CYB5R4: variants seen among roughly 807,000 people sequenced by gnomAD.
CYB5R4 encodes the protein cytochrome b5 reductase 4, also known as N-terminal cytochrome b5 and cytochrome b5 oxidoreductase domain-containing protein.
In CYB5R4, 55 loss-of-function variants were observed where a neutral mutation model predicts 70.2. That is an observed-to-expected ratio of 0.78 (90% CI 0.63 to 0.98). The LOEUF is 0.98. CYB5R4 is among the 50% of genes least tolerant of loss of function. The probability of loss-of-function intolerance (pLI) is 0.00; values close to 1 mark genes in which losing one functional copy is unlikely to be tolerated. For synonymous variants in CYB5R4, 197 were observed against 199.5 expected (o/e 0.99, Z 0.11); for missense variants, 562 against 612.6 (o/e 0.92, Z 0.87).
At chr6:83,920,987 G>A (rs932504637) in intron 7 of CYB5R4, 95 bp from the exon 8 acceptor site, 102 of 887,990 alleles carry the variant, frequency 1.1e-4, no homozygotes, top group East Asian at 6.4e-4. Context: ...AAGAAGCACC[G>A]TATGAAGTAC....
intron 10 of CYB5R4, among the ~76,000 whole-genome samples, chr6:83,927,846 T>C (rs2099467567): frequency 6.6e-6 from 1 of 152,132 alleles, no homozygotes. Context: ...GGCCTGCTGG[T>C]TCCAATCCTT....
chr6:83,859,760 G>C lies in CYB5R4; in HGVS notation c.-23G>C. ...CCCGTCTGGCGGCGATCCCCGGGCA[G>C]GGCCCGGGGCCGGGGTTTGAAGATG... On this transcript the variant is annotated 5_prime_UTR_variant, in exon 1 of 16. Coordinates refer to ENST00000369681, the MANE Select transcript of CYB5R4 (RefSeq NM_016230.4). The C allele has an allele frequency of 4.3e-6, 7 of 1,610,330 alleles. No individual in the cohort carries two copies. Among genetic ancestry groups the C allele is most frequent in the Non-Finnish European group, 5.9e-6 (7 of 1,177,938 alleles).
chr6:83,882,851 A>G (rs6908006), intron 2 of CYB5R4, among the ~76,000 whole-genome samples: 151,020 of 152,196 alleles, frequency 0.99, 74,930 homozygotes, highest in East Asian at 1. Context: ...GACCATGCCT[A>G]TAGTCTGAGC....
At chr6:83,913,763 A>T (rs947659350) in intron 4 of CYB5R4, among the ~76,000 whole-genome samples, 35 of 151,710 alleles carry the variant, frequency 2.3e-4, no homozygotes, top group Non-Finnish European at 4.1e-4. Flanking sequence ...ATTTTTTTTT[A>T]AATTTTGACA....
At chr6:83,934,943 G>C (rs910593101) in intron 11 of CYB5R4, among the ~76,000 whole-genome samples, 19 of 152,110 alleles carry the variant, frequency 1.2e-4, no homozygotes, top group Admixed American at 7.2e-4. Context: ...ATGGAACAAA[G>C]ATATTGCCAG....
intron 10 of CYB5R4, among the ~76,000 whole-genome samples, chr6:83,932,425 C>G (rs969118845): frequency 6.6e-6 from 1 of 152,218 alleles, no homozygotes; most frequent in African/African-American, 2.4e-5. Context: ...TAGAAATTGT[C>G]AATCCAGAAG....
At chr6:83,950,938 G>A (rs142204766) in intron 14 of CYB5R4, among the ~76,000 whole-genome samples, 7 of 152,004 alleles carry the variant, frequency 4.6e-5, no homozygotes, top group Non-Finnish European at 1.5e-5. Flanking sequence ...ATTTTCAACA[G>A]GTGGTTTTCA....
chr6:83,906,232 C>T (rs2099463753), intron 3 of CYB5R4, among the ~76,000 whole-genome samples: 1 of 152,200 alleles, frequency 6.6e-6, no homozygotes, highest in Non-Finnish European at 1.5e-5. Flanking sequence ...GTGACTTGCT[C>T]TTGCCTCAGC....
At chr6:83,934,381 T>C (rs1458972027) in intron 10 of CYB5R4, among the ~76,000 whole-genome samples, 2 of 152,142 alleles carry the variant, frequency 1.3e-5, no homozygotes, top group Non-Finnish European at 2.9e-5. Flanking sequence ...TTTCAAGTTA[T>C]AGAAGTATTT....
intron 3 of CYB5R4, among the ~76,000 whole-genome samples, chr6:83,905,322 G>A (rs1045462043): frequency 6.6e-6 from 1 of 152,178 alleles, no homozygotes; most frequent in Non-Finnish European, 1.5e-5. Context: ...CTCCCAAAGT[G>A]CGGAGCCACT....
At chr6:83,876,257 T>C (rs545209291) in intron 2 of CYB5R4, among the ~76,000 whole-genome samples, 2 of 152,314 alleles carry the variant, frequency 1.3e-5, no homozygotes, top group East Asian at 1.9e-4. Flanking sequence ...TTTGTAGACT[T>C]TGCACACTGT....
At chr6:83,860,016 C>T (rs930881867) in intron 1 of CYB5R4, among the ~76,000 whole-genome samples, 159 bp downstream of exon 1, 1 of 152,192 alleles carries the variant, frequency 6.6e-6, no homozygotes, top group African/African-American at 2.4e-5. Flanking sequence ...ACTTTGTCTA[C>T]AGTCCCTAAA....
chr6:83,918,085 AT>A lies in CYB5R4; in HGVS notation c.506+25del. ...TCCAAGGTATGCATTCTTATTTAAA[AT>A]TTTTAAAGTTAAATCAATTATGTAC... On this transcript the variant is annotated intron_variant, in intron 6 of 15. Transcript: ENST00000369681. 3.2e-6 allele frequency: 5 copies of A among 1,582,780 alleles called. No homozygotes were observed. Among genetic ancestry groups the A allele is most frequent in the Non-Finnish European group, 4.3e-6 (5 of 1,154,286 alleles).
chr6:83,892,365 T>A (rs1239125548), intron 2 of CYB5R4, among the ~76,000 whole-genome samples: 6 of 152,176 alleles, frequency 3.9e-5, no homozygotes, highest in African/African-American at 1.4e-4. Context: ...ACATTTTAAG[T>A]TATCTGAGGT....
chr6:83,938,937 C>T (rs1425044400), intron 12 of CYB5R4, among the ~76,000 whole-genome samples: 2 of 151,830 alleles, frequency 1.3e-5, no homozygotes, highest in African/African-American at 2.4e-5. Context: ...CGGGTTCAAG[C>T]GATTCTCCTG....
At chr6:83,918,614 A>T (rs1351474584) in intron 6 of CYB5R4, among the ~76,000 whole-genome samples, 1 of 151,862 alleles carries the variant, frequency 6.6e-6, no homozygotes, top group Non-Finnish European at 1.5e-5. Context: ...TATCTAGTTC[A>T]TTTTTATCAA....
intron 2 of CYB5R4, among the ~76,000 whole-genome samples, chr6:83,870,160 AC>A (rs2099457353): frequency 6.6e-6 from 1 of 152,126 alleles, no homozygotes; most frequent in South Asian, 2.1e-4. Context: ...GCTCATAGGA[AC>A]CCAACTTTGT....
intron 2 of CYB5R4, among the ~76,000 whole-genome samples, chr6:83,870,310 T>G (rs1420842108): frequency 6.6e-6 from 1 of 152,204 alleles, no homozygotes; most frequent in African/African-American, 2.4e-5. Context: ...ATGGAAATGA[T>G]TGCTATGAAC....
chr6:83,952,395 ATTTT>A (rs960216049), intron 14 of CYB5R4, among the ~76,000 whole-genome samples: 1 of 152,158 alleles, frequency 6.6e-6, no homozygotes, highest in Non-Finnish European at 1.5e-5. Context: ...AGTGAAAAGA[ATTTT>A]ATTCCATTTT....
Sources: gnomAD v4.1 joint callset for allele counts (sites outside exome capture counted in the v4.1 genomes callset) on GRCh38, gnomAD v4.1.1 for gene constraint, MANE v1.5 for transcripts, NCBI Gene and HGNC (gene_info 2026-07-23, HGNC 2026-07-21) for gene names.